Variants in TRIP12 observed in about 807,000 individuals in gnomAD.
The protein encoded by TRIP12 is thyroid hormone receptor interactor 12.
Under a neutral mutation model 244.2 loss-of-function variants are expected in TRIP12, and 25 were observed. The ratio of observed to expected loss-of-function variants is 0.10; its 90% CI spans 0.07 to 0.14. The LOEUF (loss-of-function observed/expected upper bound fraction) is 0.14, where lower values mean the gene tolerates loss of function less well. Ranked by LOEUF, TRIP12 falls within the 10% of genes least tolerant of loss-of-function variation. The probability of loss-of-function intolerance (pLI) is 1.00; values close to 1 mark genes in which losing one functional copy is unlikely to be tolerated. For missense variants in TRIP12, 1,677 were observed against 2,486.4 expected, an observed-to-expected ratio of 0.67 and a Z score of 6.92; for synonymous variants, 905 against 873.1, an observed-to-expected ratio of 1.04 and a Z score of -0.64.
rs2054988619 is a variant in TRIP12, at chr2:229,836,980, G to A, written c.1138C>T (p.Arg380Ter). ...CCTCTTTTGCCCAGGCCAGAGCCTC[G>A]CCGACTACAACAGAAAAATGTCATC... is the stretch of plus-strand genomic sequence containing the variant. ...TTGSCASTSR[R>*]GSGLGKRGAA... The change falls in exon 6 of 42, where the codon CGA becomes TGA. Residue 380 changes from arginine (R) to a stop codon, truncating the protein, a stop_gained. Transcript: ENST00000675903. LOFTEE classifies it high-confidence loss of function. 2 of 1,549,182 alleles carry A rather than the reference G, an allele frequency of 1.3e-6. No individual in the cohort carries two copies. The highest frequency in any genetic ancestry group is 1.2e-5 in the South Asian group (1 of 82,496).
At chr2:229,794,375 TG>T (rs754568462) in intron 26 of TRIP12, among the ~76,000 whole-genome samples, 27 of 152,216 alleles carry the variant, frequency 1.8e-4, no homozygotes, top group Non-Finnish European at 3.4e-4. Flanking sequence ...GAGACCAGCC[TG>T]GGCAACAAAG....
intron 1 of TRIP12, among the ~76,000 whole-genome samples, chr2:229,898,700 A>AT (rs561359789): frequency 4.0e-5 from 6 of 151,704 alleles, no homozygotes; most frequent in South Asian, 4.2e-4. Context: ...TTTTGTTTAA[A>AT]TTTTTTTTTA....
At chr2:229,791,641 C>T (rs2041561641) in intron 29 of TRIP12, 2 of 559,784 alleles carry the variant, frequency 3.6e-6, no homozygotes, top group Admixed American at 3.5e-5. Context: ...CAGATGTAAA[C>T]CATGATTACT....
Position 229,778,707 on chromosome 2 carries a change from G to T in TRIP12, c.5210-120C>A. ...AAAATTGGAGTGCAGATCACTGAAT[G>T]AAGTCCTCTAGAACTGGACAGGCCT... is the stretch of plus-strand genomic sequence containing the variant. On this transcript the variant is annotated intron_variant, in intron 35 of 41. Coordinates refer to ENST00000675903, the MANE Select transcript of TRIP12 (RefSeq NM_001348323.3). This position sits in a 1 kb window ranked among gnomAD's most constrained non-coding sequence, Gnocchi z 4.1. The T allele has an allele frequency of 7.0e-7, 1 of 1,430,970 alleles. No individual in the cohort carries two copies. Among genetic ancestry groups the T allele is most frequent in the South Asian group, 1.3e-5 (1 of 74,440 alleles). 88.6% of individuals were successfully genotyped at this position (1,430,970 alleles called of 1,614,324 possible). A position where few individuals can be genotyped will look rare whatever the true frequency, so the allele number is the denominator to read the frequency against.
At chr2:229,839,662 G>C (rs1359762278) in intron 5 of TRIP12, among the ~76,000 whole-genome samples, 2 of 150,390 alleles carry the variant, frequency 1.3e-5, no homozygotes, top group African/African-American at 4.9e-5. Context: ...CTGGGCGACA[G>C]AGTGAGACTC....
intron 34 of TRIP12, among the ~76,000 whole-genome samples, chr2:229,781,507 A>C (rs1420645536): frequency 1.3e-5 from 2 of 152,228 alleles, no homozygotes; most frequent in African/African-American, 2.4e-5. Context: ...GCCCAAAATC[A>C]CATAGCCAGT....
chr2:229,903,013 T>C (rs1338353006), intron 1 of TRIP12, among the ~76,000 whole-genome samples: 1 of 123,058 alleles, frequency 8.1e-6, no homozygotes, highest in Non-Finnish European at 1.7e-5. Flanking sequence ...TCTTTTTCTT[T>C]TTTTCTTTTT....
Position 229,807,083 on chromosome 2 carries a change from A to G in TRIP12, c.2496+625T>C, listed in dbSNP as rs1440555235. Among the ~76,000 whole-genome samples, 4 of 152,366 alleles carry G rather than the reference A, an allele frequency of 2.6e-5. No homozygotes were observed. The East Asian group carries it at 5.8e-4, about 22-fold the overall frequency. On this transcript the variant is annotated intron_variant, in intron 17 of 41. Coordinates refer to ENST00000675903, the MANE Select transcript of TRIP12 (RefSeq NM_001348323.3). Reference sequence around the variant, plus strand: ...AATAAAAATCACATAAAACTGTCACAGAAAATCACTGTCAACATTTTGGTA... The same window carrying G: ...AATAAAAATCACATAAAACTGTCACGGAAAATCACTGTCAACATTTTGGTA...
chr2:229,903,093 T>C (rs1390262277), intron 1 of TRIP12, among the ~76,000 whole-genome samples: 2 of 143,428 alleles, frequency 1.4e-5, no homozygotes, highest in Non-Finnish European at 3.0e-5. Flanking sequence ...AGGCTAGGCA[T>C]CCTCTAGGAA....
intron 34 of TRIP12, among the ~76,000 whole-genome samples, chr2:229,785,059 T>C (rs1375989323): frequency 1.3e-5 from 2 of 152,248 alleles, no homozygotes; most frequent in African/African-American, 2.4e-5. Flanking sequence ...AAACATACTT[T>C]GGTGCACCCA....
intron 1 of TRIP12, among the ~76,000 whole-genome samples, chr2:229,915,853 C>T (rs567132110): frequency 2.0e-5 from 3 of 152,254 alleles, no homozygotes; most frequent in Non-Finnish European, 2.9e-5. Flanking sequence ...TGCCACCATG[C>T]CCAGCTAATT....
At chr2:229,772,825 T>C (rs943694403) in intron 38 of TRIP12, among the ~76,000 whole-genome samples, 7 of 152,082 alleles carry the variant, frequency 4.6e-5, no homozygotes, top group Admixed American at 3.3e-4. Context: ...AAAATGGTGA[T>C]GAAGTTCTTC....
At chr2:229,788,450 C>A (rs1045530889) in intron 32 of TRIP12, among the ~76,000 whole-genome samples, 1 of 152,204 alleles carries the variant, frequency 6.6e-6, no homozygotes, top group African/African-American at 2.4e-5. Context: ...CAGTGGCTTA[C>A]ATTTATCACT....
chr2:229,878,052 T>A (rs1344410500), intron 2 of TRIP12, among the ~76,000 whole-genome samples: 4 of 152,200 alleles, frequency 2.6e-5, no homozygotes, highest in Non-Finnish European at 5.9e-5. Flanking sequence ...TACTGAAGTT[T>A]ACCAATAATC....
chr2:229,903,010 C>CTTTTT (rs796575993), intron 1 of TRIP12, among the ~76,000 whole-genome samples: 3 of 25,664 alleles, frequency 1.2e-4, no homozygotes, highest in African/African-American at 2.4e-4. Flanking sequence ...TTTTCTTTTT[C>CTTTTT]TTTTTTTCTT....
Position 229,859,106 on chromosome 2 carries a change from C to A in TRIP12, c.693G>T (p.Gly231=). ...AAGAAGAATCAGTGATGGTGCTACA[C>A]CCAGCTTTGGCTGAGGTGGCTGATT... ...ASKSATSAKA[G]CSTITDSSSA... is the part of the protein sequence containing the mutation. The change falls in exon 4 of 42, where the codon GGG becomes GGT. Residue 231 remains glycine, a synonymous_variant. Transcript: ENST00000675903. 6.2e-7 allele frequency: 1 copy of A among 1,614,232 alleles called. No homozygotes were observed. The highest frequency in any genetic ancestry group is 1.1e-5 in the South Asian group (1 of 91,090).
intron 1 of TRIP12, among the ~76,000 whole-genome samples, chr2:229,892,691 C>T (rs1053722012): frequency 1.3e-5 from 2 of 151,936 alleles, no homozygotes; most frequent in African/African-American, 4.8e-5. Context: ...CATGGCGAAA[C>T]CCCTTCTCCA....
Position 229,830,748 on chromosome 2 carries a change from G to C in TRIP12, c.1354+8C>G. The C allele has an allele frequency of 6.2e-7, 1 of 1,613,122 alleles. No homozygotes were observed. Among genetic ancestry groups the C allele is most frequent in the South Asian group, 1.1e-5 (1 of 91,056 alleles). On this transcript the variant is annotated splice_region_variant and intron_variant, in intron 7 of 41. Coordinates refer to ENST00000675903, the MANE Select transcript of TRIP12 (RefSeq NM_001348323.3). ...ATGGTTTCTTATAGGCTCAATAACT[G>C]TTTTTACCTTGCAAACGTCCCATCT...
chr2:229,845,673 T>G (rs180954304), intron 4 of TRIP12, among the ~76,000 whole-genome samples: 1 of 152,048 alleles, frequency 6.6e-6, no homozygotes, highest in Non-Finnish European at 1.5e-5. Context: ...ATCAAAAAAA[T>G]TGCTACAAGT....
Sources: allele counts gnomAD v4.1 joint callset (sites outside exome capture counted in the v4.1 genomes callset), GRCh38; gene constraint gnomAD v4.1.1; non-coding constraint Gnocchi (gnomAD v3.1); transcripts MANE v1.5; gene names NCBI Gene and HGNC (gene_info 2026-07-23, HGNC 2026-07-21).